The following CTNNB1 variants were observed in gnomAD, a reference collection of about 807,000 sequenced individuals.
CTNNB1 encodes the protein catenin beta-1.
CTNNB1 carries 6 observed loss-of-function variants against 82.5 expected under a neutral mutation model. That is an observed-to-expected ratio of 0.07 (90% confidence interval 0.04 to 0.14). CTNNB1 has a LOEUF of 0.14. Ranked by LOEUF, CTNNB1 falls within the 10% of genes least tolerant of loss-of-function variation. CTNNB1 has a pLI of 1.00. For missense variants in CTNNB1, 529 were observed against 980.4 expected, an observed-to-expected ratio of 0.54 and a Z score of 6.15; for synonymous variants, 312 against 329.7, an observed-to-expected ratio of 0.95 and a Z score of 0.58.
At chr3:41,229,876 C>CTGTGTGTGTGTGTGTGTGTGTG (rs58153157) in intron 7 of CTNNB1, among the ~76,000 whole-genome samples, 2 of 147,130 alleles carry the variant, frequency 1.4e-5, no homozygotes, top group African/African-American at 5.0e-5. Context: ...CTCTTGGGTT[C>CTGTGTGTGTGTGTGTGTGTGTG]TGTGTGTGTG....
In CTNNB1 at chr3:41,239,483, A is replaced by G; in HGVS notation, c.*141A>G. The stretch of plus-strand genomic sequence containing the variant: ...AAATCTGCCACAAAAACAGGTATAT[A>G]CTTTGAAAGGAGATGTCTTGGAACA... On this transcript the variant is annotated 3_prime_UTR_variant, in exon 15 of 15. Transcript: ENST00000349496. 1 of 719,002 alleles carries G rather than the reference A, an allele frequency of 1.4e-6. No individual in the cohort carries two copies. The highest frequency in any genetic ancestry group is 2.4e-6 in the Non-Finnish European group (1 of 410,684). 44.5% of individuals were successfully genotyped at this position (719,002 alleles called of 1,614,324 possible).
At chr3:41,200,664 A>G (rs886663104) in intron 1 of CTNNB1, among the ~76,000 whole-genome samples, 1 of 152,170 alleles carries the variant, frequency 6.6e-6, no homozygotes, top group South Asian at 2.1e-4. Flanking sequence ...AAGCTGGCCA[A>G]ATGGAATTCA....
intron 13 of CTNNB1, chr3:41,236,990 A>G (rs1404163223): frequency 1.7e-6 from 1 of 576,668 alleles, no homozygotes; most frequent in Non-Finnish European, 3.1e-6. Context: ...AGATTTTTCA[A>G]AAGGATGTAA....
intron 7 of CTNNB1, among the ~76,000 whole-genome samples, chr3:41,232,324 C>CA (rs1289616238): frequency 6.6e-6 from 1 of 152,104 alleles, no homozygotes; most frequent in Non-Finnish European, 1.5e-5. Context: ...TCCTGATCAT[C>CA]AGTCTTACGC....
intron 13 of CTNNB1, chr3:41,237,092 A>G: frequency 2.9e-6 from 1 of 341,284 alleles, no homozygotes; most frequent in South Asian, 3.8e-5. Context: ...AATTTCTGCT[A>G]TGAATTTTTC....
intron 1 of CTNNB1, among the ~76,000 whole-genome samples, chr3:41,205,625 G>C (rs1029842788): frequency 3.3e-5 from 5 of 152,246 alleles, no homozygotes; most frequent in South Asian, 2.1e-4. Context: ...GCAGTGAGCT[G>C]AGATCACGCC....
intron 1 of CTNNB1, among the ~76,000 whole-genome samples, chr3:41,216,428 G>C (rs2077917944): frequency 6.6e-6 from 1 of 152,202 alleles, no homozygotes. Flanking sequence ...TAGGAATGAA[G>C]AAATAGTTAT....
At chr3:41,229,876 C>CTCTGTGTGTGTG (rs1553631294) in intron 7 of CTNNB1, among the ~76,000 whole-genome samples, 1 of 147,130 alleles carries the variant, frequency 6.8e-6, no homozygotes, top group African/African-American at 2.5e-5. Flanking sequence ...CTCTTGGGTT[C>CTCTGTGTGTGTG]TGTGTGTGTG....
chr3:41,236,605 G>A lies in CTNNB1; in HGVS notation c.1972G>A (p.Val658Ile). 6.2e-7 allele frequency: 1 copy of A among 1,614,112 alleles called. No homozygotes were observed. The highest frequency in any genetic ancestry group is 1.3e-5 in the African/African-American group (1 of 75,046). The part of the protein sequence containing the change: ...NEGVATYAAA[V>I]LFRMSEDKPQ... ...TCTCTTAGCGACATATGCAGCTGCT[G>A]TTTTGTTCCGAATGTCTGAGGACAA... The change falls in exon 13 of 15, where the codon GTT becomes ATT. Residue 658 changes from valine (V) to isoleucine (I), a missense_variant. Around this residue, in one of 4 missense-constraint regions of CTNNB1, gnomAD observed 411 missense variants for 776.4 expected, o/e 0.53. Transcript: ENST00000349496.
rs1036329833 is a variant in CTNNB1 at position 41,224,187 on chromosome 3, C to G, written c.13+106C>G. 32 of 1,362,416 alleles carry G rather than the reference C, an allele frequency of 2.3e-5. No individual in the cohort carries two copies. The African/African-American group carries it at 4.6e-4, about 19-fold the overall frequency. 84.4% of individuals were successfully genotyped at this position (1,362,416 alleles called of 1,614,324 possible). On this transcript the variant is annotated intron_variant, in intron 2 of 14. Transcript: ENST00000349496. Reference sequence around the variant, plus strand: ...CTTTCCTCTCTCCCTGCTTACTTGTCAGGCTACCTTTTGCTCCATTTTCTG... The same window carrying G: ...CTTTCCTCTCTCCCTGCTTACTTGTGAGGCTACCTTTTGCTCCATTTTCTG...
chr3:41,225,129 G>A lies in CTNNB1; in HGVS notation c.417G>A (p.Leu139=), dbSNP rs749833775. 13 of 1,614,030 alleles carry A rather than the reference G, an allele frequency of 8.1e-6. No homozygotes were observed. The highest frequency in any genetic ancestry group is 1.6e-4 in the Middle Eastern group (1 of 6,062). ...SQMLKHAVVN[L]INYQDDAELA... ...TGCTGAAACATGCAGTTGTAAACTT[G>A]ATTAACTATCAAGATGATGCAGAAC... The change falls in exon 4 of 15, where the codon TTG becomes TTA. Residue 139 remains leucine, a synonymous_variant. Coordinates refer to ENST00000349496, the MANE Select transcript of CTNNB1 (RefSeq NM_001904.4). This position sits in a 1 kb window ranked among gnomAD's most constrained non-coding sequence, Gnocchi z 5.3.
rs2125616783 is a variant in CTNNB1 at position 41,224,551 on chromosome 3, C to T, written c.39C>T (p.Ala13=). ...CTGATTTGATGGAGTTGGACATGGC[C>T]ATGGAACCAGACAGAAAAGCGGCTG... The part of the protein sequence containing the change: ...TQADLMELDM[A]MEPDRKAAVS... Residue 13 remains alanine, a synonymous_variant, in exon 3 of 15, where the codon GCC becomes GCT. Transcript: ENST00000349496. The T allele has an allele frequency of 6.2e-7, 1 of 1,613,816 alleles. No individual in the cohort carries two copies. Among genetic ancestry groups the T allele is most frequent in the Non-Finnish European group, 8.5e-7 (1 of 1,179,922 alleles).
intron 1 of CTNNB1, among the ~76,000 whole-genome samples, chr3:41,216,757 G>A (rs902192413): frequency 6.6e-6 from 1 of 152,112 alleles, no homozygotes; most frequent in African/African-American, 2.4e-5. Flanking sequence ...AATAATTTAT[G>A]TATTTGGTTC....
At chr3:41,212,430 A>G (rs1055536948) in intron 1 of CTNNB1, among the ~76,000 whole-genome samples, 1 of 152,132 alleles carries the variant, frequency 6.6e-6, no homozygotes. Context: ...GTGATATACT[A>G]TTCCATTATA....
At chr3:41,235,551 A>C in intron 10 of CTNNB1, 173 bp from the exon 11 acceptor site, 3 of 766,702 alleles carry the variant, frequency 3.9e-6, no homozygotes, top group Non-Finnish European at 6.6e-6. Context: ...TAGTGCTGCC[A>C]GGAGGCCTCT....
chr3:41,200,163 T>C (rs1392806206), intron 1 of CTNNB1: 2 of 152,324 alleles, frequency 1.3e-5, no homozygotes, highest in East Asian at 3.9e-4. Flanking sequence ...CCATCAGTCC[T>C]GGGGATCGGA....
At position 41,237,446 on chromosome 3, in the gene CTNNB1, C is replaced by CAAA. The variant is rs3038134; in HGVS notation, c.2077-551_2077-549dup. On this transcript the variant is annotated intron_variant, in intron 13 of 14. Coordinates refer to ENST00000349496, the MANE Select transcript of CTNNB1 (RefSeq NM_001904.4). ...TCAGTGACAGAGCCAGACTCCAACA[C>CAAA]AAAAAAAAAAAAAAAAAAAAAGCAA... The CAAA allele has an allele frequency of 1.9e-3, 122 of 65,190 alleles. 3 individuals carry two copies. The highest frequency in any genetic ancestry group is 2.2e-3 in the African/African-American group (34 of 15,214). The allele number at this position is 65,190 out of a possible 1,614,324, so 4.0% of individuals were successfully genotyped here. A position where few individuals can be genotyped will look rare whatever the true frequency, so the allele number is the denominator to read the frequency against.
At chr3:41,234,541 G>A (rs2078388349) in intron 10 of CTNNB1, 2 of 527,544 alleles carry the variant, frequency 3.8e-6, no homozygotes, top group South Asian at 4.1e-5. Flanking sequence ...GTTGGGTTAG[G>A]TGTTTCATAA....
At chr3:41,203,999 ATTGCT>A (rs1403646747) in intron 1 of CTNNB1, among the ~76,000 whole-genome samples, 1 of 152,088 alleles carries the variant, frequency 6.6e-6, no homozygotes, top group African/African-American at 2.4e-5. Context: ...CTTACCAGTG[ATTGCT>A]TTACTTTGCC....
Sources: allele counts gnomAD v4.1 joint callset (sites outside exome capture counted in the v4.1 genomes callset), GRCh38; gene constraint gnomAD v4.1.1; regional missense constraint gnomAD v4.1.1; non-coding constraint Gnocchi (gnomAD v3.1); transcripts MANE v1.5; gene names NCBI Gene and HGNC (gene_info 2026-07-23, HGNC 2026-07-21).